The following NTNG1 variants were observed in gnomAD, a reference collection of about 807,000 sequenced individuals.
The protein encoded by NTNG1 is netrin-G1.
Under a neutral mutation model 54.0 loss-of-function variants are expected in NTNG1, and 16 were observed. The ratio of observed to expected loss-of-function variants is 0.30; its 90% confidence interval spans 0.20 to 0.45. The LOEUF (loss-of-function observed/expected upper bound fraction) is 0.45, where lower values mean the gene tolerates loss of function less well. NTNG1 is among the 20% of genes least tolerant of loss of function. The pLI, the probability that NTNG1 is intolerant of heterozygous loss-of-function variation, is 1.00. For synonymous variants in NTNG1, 255 were observed against 263.1 expected (o/e 0.97, Z 0.30); for missense variants, 530 against 678.7 (o/e 0.78, Z 2.43).
intron 3 of NTNG1, among the ~76,000 whole-genome samples, chr1:107,329,346 C>G (rs1254506228): frequency 6.6e-6 from 1 of 152,146 alleles, no homozygotes; most frequent in African/African-American, 2.4e-5. Context: ...AGGAGTCCAG[C>G]TTCTATGTGT....
chr1:107,359,720 T>C (rs574455723), intron 3 of NTNG1, among the ~76,000 whole-genome samples: 1 of 152,306 alleles, frequency 6.6e-6, no homozygotes, highest in South Asian at 2.1e-4. Flanking sequence ...TTGCATTCAC[T>C]GTTCATATCA....
chr1:107,197,484 A>G (rs1192742764), intron 2 of NTNG1, among the ~76,000 whole-genome samples: 1 of 152,008 alleles, frequency 6.6e-6, no homozygotes, highest in Non-Finnish European at 1.5e-5. Flanking sequence ...ATTATATAAG[A>G]ATGGGTTGAC....
chr1:107,360,052 C>T (rs77218252), intron 3 of NTNG1, among the ~76,000 whole-genome samples: 20,991 of 152,148 alleles, frequency 0.14, 1,523 homozygotes, highest in Non-Finnish European at 0.16. Flanking sequence ...TTGCTGCTCC[C>T]GCCACACCCT....
At chr1:107,426,666 G>C (rs1674927991) in intron 5 of NTNG1, among the ~76,000 whole-genome samples, 2 of 151,518 alleles carry the variant, frequency 1.3e-5, no homozygotes, top group South Asian at 4.2e-4. Context: ...GGCTTTTTTT[G>C]GGGGGTGGGG....
intron 3 of NTNG1, among the ~76,000 whole-genome samples, chr1:107,380,450 T>A (rs1033373795): frequency 8.6e-5 from 13 of 151,886 alleles, no homozygotes; most frequent in African/African-American, 3.1e-4. Flanking sequence ...TAGGGATGAT[T>A]TTTTTCTTTA....
intron 5 of NTNG1, chr1:107,410,336 T>C (rs760665598): frequency 7.9e-5 from 12 of 152,270 alleles, no homozygotes; most frequent in African/African-American, 1.2e-4. Context: ...CCAACGCCTG[T>C]ATTAAGGTTC....
intron 2 of NTNG1, among the ~76,000 whole-genome samples, chr1:107,216,957 G>T (rs142789107): frequency 6.6e-6 from 1 of 152,054 alleles, no homozygotes; most frequent in Non-Finnish European, 1.5e-5. Flanking sequence ...GATTACAGGC[G>T]TGAGCCACCA....
Position 107,159,905 on chromosome 1 carries a change from G to T in NTNG1, c.246+11066G>T, listed in dbSNP as rs75489764. 2.7e-3 allele frequency among the ~76,000 whole-genome samples: 417 copies of T among 152,228 alleles called. 3 individuals are homozygous for T. The highest frequency in any genetic ancestry group is 9.5e-3 in the African/African-American group (396 of 41,550). ...CATTCTTGCTTTCTTTTCCATTAACGTGTTCATATAAATGGAAATAAGCTG... is the reference window on the plus strand; with the variant it reads ...CATTCTTGCTTTCTTTTCCATTAACTTGTTCATATAAATGGAAATAAGCTG... On this transcript the variant is annotated intron_variant, in intron 2 of 7. Coordinates refer to ENST00000370068, the MANE Select transcript of NTNG1 (RefSeq NM_001113226.3).
In NTNG1 at chr1:107,242,856, T is replaced by A. The variant is rs187092781; in HGVS notation, c.247-81426T>A. On this transcript the variant is annotated intron_variant, in intron 2 of 7. Transcript: ENST00000370068. ...GGATTTATAATTTAAAGGGGAAAAA[T>A]TTTTATACTGAAGAGTTGAATGCAA... Among the ~76,000 whole-genome samples, 1,145 of 152,266 alleles carry A rather than the reference T, an allele frequency of 7.5e-3. 6 individuals are homozygous for A. The highest frequency in any genetic ancestry group is 0.041 in the Middle Eastern group (12 of 294).
At chr1:107,355,589 C>G (rs1669890144) in intron 3 of NTNG1, among the ~76,000 whole-genome samples, 1 of 152,052 alleles carries the variant, frequency 6.6e-6, no homozygotes, top group Admixed American at 6.5e-5. Context: ...TCATTTTTAA[C>G]CACTACTTAG....
intron 2 of NTNG1, among the ~76,000 whole-genome samples, chr1:107,223,280 G>T (rs1238706045): frequency 3.3e-5 from 5 of 152,006 alleles, no homozygotes; most frequent in African/African-American, 1.2e-4. Context: ...GCGCATGTGT[G>T]TGAAGGTTAT....
At chr1:107,246,333 T>C (rs899333288) in intron 2 of NTNG1, among the ~76,000 whole-genome samples, 1 of 151,944 alleles carries the variant, frequency 6.6e-6, no homozygotes, top group African/African-American at 2.4e-5. Context: ...GATTACAGGC[T>C]TGAGTTTATT....
At chr1:107,470,973 A>G (rs995560239) in intron 7 of NTNG1, among the ~76,000 whole-genome samples, 4 of 152,212 alleles carry the variant, frequency 2.6e-5, no homozygotes, top group African/African-American at 9.7e-5. Context: ...CTGCTCCTGC[A>G]TCAGAGTCAC....
chr1:107,203,085 T>C (rs954080339), intron 2 of NTNG1, among the ~76,000 whole-genome samples: 1 of 151,990 alleles, frequency 6.6e-6, no homozygotes, highest in Admixed American at 6.6e-5. Flanking sequence ...CTTCTGTTTT[T>C]CTTCTTATTG....
intron 5 of NTNG1, among the ~76,000 whole-genome samples, chr1:107,426,338 A>G (rs1040567625): frequency 6.6e-6 from 1 of 152,020 alleles, no homozygotes; most frequent in Middle Eastern, 3.4e-3. Flanking sequence ...ATCTTGAGTT[A>G]ATATTTGTAT....
Position 107,427,124 on chromosome 1 carries a change from A to G in NTNG1, c.1088-3626A>G, listed in dbSNP as rs142198723. On this transcript the variant is annotated intron_variant, in intron 5 of 7. Transcript: ENST00000370068. ...TAGGTATATGATCATGTTGTCAGCA[A>G]ACAGAGATAATTTGATTTCCTCTTT... Among the ~76,000 whole-genome samples, 237 of 152,214 alleles carry G rather than the reference A, an allele frequency of 1.6e-3. 2 individuals carry two copies. Among genetic ancestry groups the G allele is most frequent in the African/African-American group, 5.4e-3 (225 of 41,550 alleles).
intron 2 of NTNG1, among the ~76,000 whole-genome samples, chr1:107,226,600 T>A (rs1267066686): frequency 6.6e-6 from 1 of 152,130 alleles, no homozygotes; most frequent in African/African-American, 2.4e-5. Context: ...CCTACAGTGG[T>A]TTCCCCAGGC....
At chr1:107,388,641 G>A (rs1442435252) in intron 3 of NTNG1, among the ~76,000 whole-genome samples, 2 of 152,194 alleles carry the variant, frequency 1.3e-5, no homozygotes, top group Non-Finnish European at 2.9e-5. Context: ...TTGTTTAGTT[G>A]TTGATTTGTT....
chr1:107,296,227 A>G (rs1054776462), intron 2 of NTNG1, among the ~76,000 whole-genome samples: 8 of 152,286 alleles, frequency 5.3e-5, no homozygotes, highest in African/African-American at 1.9e-4. Context: ...TATGCCTTCA[A>G]TTAATTCTCC....
Sources: allele counts gnomAD v4.1 joint callset (sites outside exome capture counted in the v4.1 genomes callset), GRCh38; gene constraint gnomAD v4.1.1; transcripts MANE v1.5; gene names NCBI Gene and HGNC (gene_info 2026-07-23, HGNC 2026-07-21).